The following CSMD1 variants were observed in gnomAD, a reference collection of about 807,000 sequenced individuals.
CSMD1 encodes the protein CUB and sushi domain-containing protein 1.
CSMD1 carries 213 observed loss-of-function variants against 417.5 expected under a neutral mutation model. That is an observed-to-expected ratio of 0.51 (90% confidence interval 0.46 to 0.57). CSMD1 has a LOEUF of 0.57. CSMD1 is among the 20% of genes least tolerant of loss of function. The pLI is 0.00. For missense variants in CSMD1, 6,923 were observed against 4,529.7 expected, an observed-to-expected ratio of 1.53 and a Z score of -15.17; for synonymous variants, 2,862 against 1,736.8, an observed-to-expected ratio of 1.65 and a Z score of -16.11.
chr8:2,951,530 A>T (rs942608643), intron 65 of CSMD1, among the ~76,000 whole-genome samples: 2 of 152,212 alleles, frequency 1.3e-5, no homozygotes, highest in Non-Finnish European at 2.9e-5. Flanking sequence ...AAGCCAAAGC[A>T]TACCTACTTT....
intron 3 of CSMD1, among the ~76,000 whole-genome samples, chr8:4,408,862 A>G (rs192705568): frequency 1.3e-5 from 2 of 152,294 alleles, no homozygotes; most frequent in East Asian, 3.9e-4. Flanking sequence ...AAATATACTT[A>G]CGTTTAGAAA....
intron 7 of CSMD1, among the ~76,000 whole-genome samples, chr8:3,629,738 T>C (rs1351652779): frequency 2.0e-5 from 3 of 149,204 alleles, no homozygotes; most frequent in Admixed American, 6.8e-5. Context: ...AAACACTATA[T>C]GCCAAAAGAA....
intron 5 of CSMD1, among the ~76,000 whole-genome samples, chr8:3,842,835 G>A (rs531716823): frequency 5.9e-5 from 9 of 152,172 alleles, no homozygotes; most frequent in Admixed American, 2.0e-4. Flanking sequence ...GCAGATGGCT[G>A]CTACAATAAA....
chr8:3,042,233 G>T (rs570509338), intron 50 of CSMD1, among the ~76,000 whole-genome samples: 25 of 152,266 alleles, frequency 1.6e-4, no homozygotes, highest in African/African-American at 5.8e-4. Context: ...AGCCTTGGAA[G>T]AGAGAGGTGG....
intron 1 of CSMD1, among the ~76,000 whole-genome samples, chr8:4,848,604 G>A (rs762910585): frequency 6.6e-5 from 10 of 151,370 alleles, no homozygotes; most frequent in Admixed American, 3.3e-4. Flanking sequence ...CTGTGGCACC[G>A]TGTCGGCTCA....
intron 3 of CSMD1, among the ~76,000 whole-genome samples, chr8:4,125,441 A>G (rs1802707726): frequency 6.6e-6 from 1 of 152,182 alleles, no homozygotes; most frequent in East Asian, 1.9e-4. Context: ...CTGTTGCTTG[A>G]TGTCCCATGT....
At position 4,739,761 on chromosome 8, in the gene CSMD1, T is replaced by C. The variant is rs537184186; in HGVS notation, c.86-102203A>G. 1.1e-4 allele frequency among the ~76,000 whole-genome samples: 16 copies of C among 152,310 alleles called. No homozygotes were observed. In the South Asian group the frequency reaches 3.1e-3, roughly 30 times the overall value. On this transcript the variant is annotated intron_variant, in intron 1 of 69. Transcript: ENST00000635120. The stretch of plus-strand genomic sequence containing the variant: ...TGCTCCCTATCCCTTCCCACAAAGA[T>C]TCTCCAGTCCCTCTCTTTGGAGTCC...
At chr8:3,139,111 T>G (rs1405437689) in intron 41 of CSMD1, among the ~76,000 whole-genome samples, 1 of 152,128 alleles carries the variant, frequency 6.6e-6, no homozygotes, top group Non-Finnish European at 1.5e-5. Context: ...CGAGCTCAGC[T>G]TCGGGCACAT....
intron 5 of CSMD1, among the ~76,000 whole-genome samples, chr8:3,874,222 C>T (rs1054812875): frequency 6.6e-6 from 1 of 152,144 alleles, no homozygotes; most frequent in Non-Finnish European, 1.5e-5. Flanking sequence ...AACCTTCCTG[C>T]AATTTTCTAA....
intron 2 of CSMD1, among the ~76,000 whole-genome samples, chr8:4,502,842 G>A (rs750279512): frequency 1.3e-5 from 2 of 152,062 alleles, no homozygotes; most frequent in African/African-American, 4.8e-5. Context: ...GCTGCCCATA[G>A]TAGGTACTCA....
At chr8:4,506,322 C>A (rs10096809) in intron 2 of CSMD1, among the ~76,000 whole-genome samples, 26,406 of 152,018 alleles carry the variant, frequency 0.17, 2,360 homozygotes, top group Non-Finnish European at 0.19. Context: ...CAGCTACCCA[C>A]TGAAACCCAC....
In CSMD1 at chr8:4,398,279, C is replaced by T. The variant is rs189780372; in HGVS notation, c.415+21674G>A. Among the ~76,000 whole-genome samples, 129 of 151,618 alleles carry T rather than the reference C, an allele frequency of 8.5e-4. 1 individual carries two copies. Among genetic ancestry groups the T allele is most frequent in the Admixed American group, 1.8e-3 (28 of 15,228 alleles). On this transcript the variant is annotated intron_variant, in intron 3 of 69. Coordinates refer to ENST00000635120, the MANE Select transcript of CSMD1 (RefSeq NM_033225.6). ...TATTGTGGTGTGGTTATTTCTACTT[C>T]GGGGTGGACAATCGTCTCTACTCTT...
intron 3 of CSMD1, among the ~76,000 whole-genome samples, chr8:4,070,277 A>C (rs1264323847): frequency 6.6e-6 from 1 of 152,198 alleles, no homozygotes; most frequent in African/African-American, 2.4e-5. Context: ...CTAAAACATA[A>C]TGTTGTTATT....
At chr8:3,960,799 AATTT>A (rs1812274422) in intron 5 of CSMD1, among the ~76,000 whole-genome samples, 1 of 151,930 alleles carries the variant, frequency 6.6e-6, no homozygotes, top group Admixed American at 6.6e-5. Flanking sequence ...GGAAAATTAC[AATTT>A]ATTATTTTTA....
chr8:4,674,935 G>A (rs190935196), intron 1 of CSMD1, among the ~76,000 whole-genome samples: 2 of 152,136 alleles, frequency 1.3e-5, no homozygotes, highest in Non-Finnish European at 1.5e-5. Flanking sequence ...ATGCTAGAGA[G>A]GCTGCTTCCT....
chr8:4,300,466 T>C (rs1797921613), intron 3 of CSMD1, among the ~76,000 whole-genome samples: 1 of 152,252 alleles, frequency 6.6e-6, no homozygotes, highest in African/African-American at 2.4e-5. Context: ...TCCTTGGAAT[T>C]TAACTACATA....
At chr8:4,823,561 T>A (rs554744886) in intron 1 of CSMD1, among the ~76,000 whole-genome samples, 1 of 152,088 alleles carries the variant, frequency 6.6e-6, no homozygotes, top group Middle Eastern at 3.2e-3. Flanking sequence ...CCTCGTAGTA[T>A]ATGAGCCCAG....
intron 1 of CSMD1, among the ~76,000 whole-genome samples, chr8:4,993,107 G>A (rs1021377398): frequency 9.2e-5 from 14 of 152,168 alleles, no homozygotes; most frequent in African/African-American, 3.1e-4. Context: ...CTTCCATCTG[G>A]ACCACTGGAG....
intron 3 of CSMD1, among the ~76,000 whole-genome samples, chr8:4,210,083 C>A (rs1800217604): frequency 6.6e-6 from 1 of 152,168 alleles, no homozygotes; most frequent in African/African-American, 2.4e-5. Context: ...CCTACCTCAC[C>A]AGCCCTGTAC....
Sources: allele counts gnomAD v4.1 joint callset (sites outside exome capture counted in the v4.1 genomes callset), GRCh38; gene constraint gnomAD v4.1.1; transcripts MANE v1.5; gene names NCBI Gene and HGNC (gene_info 2026-07-23, HGNC 2026-07-21).